Variants in DNAH5 observed in about 807,000 individuals in gnomAD.
The protein encoded by DNAH5 is dynein axonemal heavy chain 5.
DNAH5 carries 372 observed loss-of-function variants against 518.2 expected under a neutral mutation model. That is an observed-to-expected ratio of 0.72 (90% confidence interval 0.66 to 0.78). The LOEUF (loss-of-function observed/expected upper bound fraction) is 0.78, where lower values mean the gene tolerates loss of function less well. Ranked by LOEUF, DNAH5 falls within the 30% of genes least tolerant of loss-of-function variation. The pLI is 0.00. For synonymous variants in DNAH5, 2,039 were observed against 2,025.9 expected (o/e 1.01, Z -0.17); for missense variants, 5,523 against 5,687.0 (o/e 0.97, Z 0.93).
In DNAH5 at chr5:13,843,776, G is replaced by C. The variant is rs116175074; in HGVS notation, c.5271+1061C>G. On this transcript the variant is annotated intron_variant, in intron 32 of 78. Transcript: ENST00000265104. ...TATTCTACTTACCTTCAAAACATCA[G>C]TGCAAATTTATATTCTGCAGAAAGC... Among the ~76,000 whole-genome samples, 1,113 of 152,230 alleles carry C rather than the reference G, an allele frequency of 7.3e-3. 8 individuals carry two copies. The highest frequency in any genetic ancestry group is 0.026 in the African/African-American group (1,063 of 41,534).
intron 57 of DNAH5, 22 bp from the exon 58 acceptor site, chr5:13,769,158 A>T: frequency 3.1e-6 from 5 of 1,612,786 alleles, no homozygotes; most frequent in Non-Finnish European, 4.2e-6. Flanking sequence ...TAAAGCAAGC[A>T]ATACTTCACC....
Position 13,867,824 on chromosome 5 carries a change from C to G in DNAH5, c.4003G>C (p.Val1335Leu). ...PSFKKELISA[V>L]EVFLQDCHQF... ...TGACAATCTTGGAGGAATACCTCCA[C>G]AGCACTAATAAGCTCTTTCTTGAAA... is the stretch of plus-strand genomic sequence containing the variant. Residue 1335 changes from valine to leucine, a missense_variant, in exon 25 of 79, where the codon GTG (valine) becomes CTG (leucine). Coordinates refer to ENST00000265104, the MANE Select transcript of DNAH5 (RefSeq NM_001369.3). 1 of 1,614,066 alleles carries G rather than the reference C, an allele frequency of 6.2e-7. No homozygotes were observed. Among genetic ancestry groups the G allele is most frequent in the Middle Eastern group, 1.7e-4 (1 of 6,054 alleles).
intron 47 of DNAH5, among the ~76,000 whole-genome samples, chr5:13,798,993 T>C (rs979979724): frequency 3.9e-5 from 6 of 152,066 alleles, no homozygotes; most frequent in African/African-American, 1.4e-4. Context: ...CTCAAACTCC[T>C]GACCTCAGGT....
chr5:14,007,137 T>C (rs1784776096), intron 1 of DNAH5, among the ~76,000 whole-genome samples: 4 of 152,358 alleles, frequency 2.6e-5, no homozygotes, highest in African/African-American at 7.2e-5. Context: ...CAGTTCCTGA[T>C]ACTTAGTTGA....
rs35925547 is a variant in DNAH5 at position 13,919,146 on chromosome 5, T to G, written c.975+30A>C. ...ATGCATAGAGAACTCTTATTCCCAT[T>G]TCACAAGGCAAAATGAAATGGCTGA... On this transcript the variant is annotated intron_variant, in intron 7 of 78. Transcript: ENST00000265104. 438,272 of 1,613,530 alleles carry G rather than the reference T, an allele frequency of 0.27. 62,285 individuals are homozygous for G. The highest frequency in any genetic ancestry group is 0.35 in the South Asian group (31,686 of 91,062).
Position 13,820,331 on chromosome 5 carries a change from T to C in DNAH5, c.6841+15A>G. On this transcript the variant is annotated intron_variant, in intron 41 of 78. Coordinates refer to ENST00000265104, the MANE Select transcript of DNAH5 (RefSeq NM_001369.3). ...AAATGGGCCACCCCAGGCATTGACC[T>C]TGGCTGCCCTGTACCTGTCATGGCT... 2 of 1,606,538 alleles carry C rather than the reference T, an allele frequency of 1.2e-6. No homozygotes were observed. Among genetic ancestry groups the C allele is most frequent in the Non-Finnish European group, 1.7e-6 (2 of 1,179,962 alleles).
At chr5:13,914,930 C>T (rs932088696) in intron 9 of DNAH5, among the ~76,000 whole-genome samples, 1 of 151,988 alleles carries the variant, frequency 6.6e-6, no homozygotes, top group Admixed American at 6.6e-5. Flanking sequence ...CATTTCCTTC[C>T]CTGAAAACTG....
In DNAH5 at chr5:13,901,329, T is replaced by G. The variant is rs763360696; in HGVS notation, c.1975A>C (p.Ile659Leu). ...AVLSTAEAKPIIRSYNRMAKV... is the reference protein window; with the variant it reads ...AVLSTAEAKPLIRSYNRMAKV... Reference sequence around the variant, plus strand: ...GCCATCCTGTTGTAACTGCGAATTATAGGTTTGGCTTCTGCCGTGCTTAGC... The same window carrying G: ...GCCATCCTGTTGTAACTGCGAATTAGAGGTTTGGCTTCTGCCGTGCTTAGC... Residue 659 changes from isoleucine (I) to leucine (L), a missense_variant, in exon 14 of 79, where the codon ATA (isoleucine) becomes CTA (leucine). Physicochemically the swap from Ile to Leu is conservative, Grantham distance 5 (BLOSUM62 2). Coordinates refer to ENST00000265104, the MANE Select transcript of DNAH5 (RefSeq NM_001369.3). The G allele has an allele frequency of 6.2e-7, 1 of 1,614,154 alleles. No homozygotes were observed. The highest frequency in any genetic ancestry group is 8.5e-7 in the Non-Finnish European group (1 of 1,180,016).
intron 54 of DNAH5, 67 bp downstream of exon 54, chr5:13,777,135 C>A: frequency 6.7e-7 from 1 of 1,481,616 alleles, no homozygotes; most frequent in Non-Finnish European, 9.4e-7. Context: ...TGGAAGAAAA[C>A]ATGTAGAGCT....
At chr5:13,750,424 T>G (rs991222591) in intron 65 of DNAH5, among the ~76,000 whole-genome samples, 4 of 152,194 alleles carry the variant, frequency 2.6e-5, no homozygotes, top group African/African-American at 9.7e-5. Flanking sequence ...TGTGTGCCCA[T>G]TTTTCATTGA....
At chr5:13,719,788 C>G (rs987453954) in intron 71 of DNAH5, among the ~76,000 whole-genome samples, 2 of 152,130 alleles carry the variant, frequency 1.3e-5, no homozygotes, top group African/African-American at 4.8e-5. Context: ...TCTCAGAATC[C>G]TGGCAACTGA....
intron 60 of DNAH5, among the ~76,000 whole-genome samples, chr5:13,760,742 C>T (rs1055588160): frequency 1.3e-5 from 2 of 152,278 alleles, no homozygotes; most frequent in African/African-American, 4.8e-5. Context: ...AGAGATTCCA[C>T]CTGGAATTTA....
chr5:13,858,659 TAGTG>T (rs1159293068), intron 30 of DNAH5, among the ~76,000 whole-genome samples: 1 of 152,170 alleles, frequency 6.6e-6, no homozygotes, highest in Non-Finnish European at 1.5e-5. Flanking sequence ...AGTAAAATTT[TAGTG>T]AGTGAATACA....
chr5:13,986,846 G>A (rs191497243), intron 1 of DNAH5, among the ~76,000 whole-genome samples: 16 of 152,262 alleles, frequency 1.1e-4, no homozygotes, highest in Admixed American at 3.9e-4. Context: ...TATTTACTTC[G>A]TTCCTCTATA....
chr5:13,985,438 T>C (rs1489537518), intron 1 of DNAH5, among the ~76,000 whole-genome samples: 1 of 9,894 alleles, frequency 1.0e-4, no homozygotes, highest in African/African-American at 3.6e-4. Context: ...AAAATATATA[T>C]ATATATATAT....
At chr5:13,823,117 C>T in intron 40 of DNAH5, 146 bp downstream of exon 40, 1 of 742,044 alleles carries the variant, frequency 1.3e-6, no homozygotes, top group Non-Finnish European at 2.5e-6. Context: ...TGTGCATTGG[C>T]CTCCCTTAAG....
intron 47 of DNAH5, among the ~76,000 whole-genome samples, chr5:13,801,816 G>A (rs922189096): frequency 2.6e-5 from 4 of 151,920 alleles, no homozygotes; most frequent in Admixed American, 6.6e-5. Context: ...TCTTTGTTCT[G>A]GACCCTCAGG....
intron 40 of DNAH5, among the ~76,000 whole-genome samples, chr5:13,822,479 T>C (rs1486877794): frequency 6.6e-6 from 1 of 151,982 alleles, no homozygotes; most frequent in Non-Finnish European, 1.5e-5. Context: ...CTCAAACTCC[T>C]GGGCTCAAGC....
chr5:14,006,707 T>C (rs1024131355), intron 1 of DNAH5, among the ~76,000 whole-genome samples: 1 of 152,204 alleles, frequency 6.6e-6, no homozygotes, highest in East Asian at 1.9e-4. Flanking sequence ...CCATAACACA[T>C]AGTAAGCACT....
Sources: gnomAD v4.1 joint callset for allele counts (sites outside exome capture counted in the v4.1 genomes callset) on GRCh38, gnomAD v4.1.1 for gene constraint, MANE v1.5 for transcripts, NCBI Gene and HGNC (gene_info 2026-07-23, HGNC 2026-07-21) for gene names.